Variants in ANKRD30B observed in about 807,000 individuals in gnomAD.
The protein encoded by ANKRD30B is ankyrin repeat domain 30B, also known as ankyrin repeat domain-containing protein 30B.
Under a neutral mutation model 202.2 loss-of-function variants are expected in ANKRD30B, and 144 were observed. The observed-to-expected ratio is 0.71, with a 90% CI of 0.62 to 0.82. The LOEUF (loss-of-function observed/expected upper bound fraction) is 0.82. Ranked by LOEUF, ANKRD30B falls within the 40% of genes least tolerant of loss-of-function variation. The pLI is 0.00. For synonymous variants in ANKRD30B, 508 were observed against 561.3 expected, an observed-to-expected ratio of 0.91 and a Z score of 1.34; for missense variants, 1,487 against 1,669.1, an observed-to-expected ratio of 0.89 and a Z score of 1.90.
chr18:14,865,243 TG>T, the ANKRD30B span, among the ~76,000 whole-genome samples: 2 of 151,834 alleles, frequency 1.3e-5, no homozygotes, highest in African/African-American at 2.4e-5. Flanking sequence ...CTTCTCCCAC[TG>T]GCCACCCTCT....
intron 36 of ANKRD30B, among the ~76,000 whole-genome samples, chr18:14,839,195 A>C (rs998480505): frequency 3.9e-5 from 6 of 152,244 alleles, no homozygotes; most frequent in Non-Finnish European, 7.3e-5. Flanking sequence ...CAAATGAAAA[A>C]CACTTATAAA....
intron 1 of ANKRD30B, among the ~76,000 whole-genome samples, chr18:14,751,623 C>A (rs9956874): frequency 1.3e-5 from 2 of 152,072 alleles, no homozygotes; most frequent in Admixed American, 1.3e-4. Flanking sequence ...TTCTATAAAT[C>A]TAAATATGAA....
chr18:14,759,986 CCT>C (rs1651782683), intron 5 of ANKRD30B, among the ~76,000 whole-genome samples: 1 of 152,170 alleles, frequency 6.6e-6, no homozygotes, highest in Non-Finnish European at 1.5e-5. Context: ...AAGCAATCCC[CCT>C]GTCTCAGCAT....
chr18:14,786,071 A>C (rs1011236685), intron 14 of ANKRD30B, among the ~76,000 whole-genome samples: 1 of 135,170 alleles, frequency 7.4e-6, no homozygotes, highest in South Asian at 2.4e-4. Flanking sequence ...AAAAAAAAAA[A>C]CAGGTAGAGA....
chr18:14,797,189 C>T (rs945493988), intron 18 of ANKRD30B, among the ~76,000 whole-genome samples: 10 of 152,114 alleles, frequency 6.6e-5, no homozygotes, highest in Non-Finnish European at 1.0e-4. Flanking sequence ...ATAGCACTAT[C>T]TTATCCATAT....
At chr18:14,892,186 A>G in the ANKRD30B span, among the ~76,000 whole-genome samples, 2 of 152,254 alleles carry the variant, frequency 1.3e-5, no homozygotes, top group African/African-American at 2.4e-5. Flanking sequence ...TTAGATAAAA[A>G]GAGAATGCTG....
chr18:14,875,539 G>A, the ANKRD30B span, among the ~76,000 whole-genome samples: 6 of 152,288 alleles, frequency 3.9e-5, no homozygotes, highest in South Asian at 8.3e-4. Flanking sequence ...GAGAAACTGC[G>A]AGGGAAGAGA....
In ANKRD30B at chr18:14,851,630, A is replaced by G; in HGVS notation, c.3686A>G (p.Asn1229Ser). ...AAACATCAACACCAGGTGAAGGAAA[A>G]TAAATACTTTGAGGACATTAAGATT... ...TLKHQHQVKE[N>S]KYFEDIKILQ... is the part of the protein sequence containing the mutation. Residue 1229 changes from asparagine to serine, a missense_variant, in exon 42 of 44, where the codon AAT (asparagine) becomes AGT (serine). By Grantham distance (46) the Asn-to-Ser change is conservative (BLOSUM62 1). This residue lies in a region of ANKRD30B where 177 missense variants were observed against 216.4 expected (regional missense o/e 0.82). Transcript: ENST00000690538. The G allele has an allele frequency of 2.5e-6, 4 of 1,611,994 alleles. No individual in the cohort carries two copies. The highest frequency in any genetic ancestry group is 3.4e-6 in the Non-Finnish European group (4 of 1,179,024).
chr18:14,830,576 C>T (rs1970870748), intron 33 of ANKRD30B, among the ~76,000 whole-genome samples: 1 of 152,124 alleles, frequency 6.6e-6, no homozygotes, highest in African/African-American at 2.4e-5. Flanking sequence ...TGCTGAAAAA[C>T]AAAGAATGTC....
At chr18:14,791,201 G>A (rs1968479936) in intron 15 of ANKRD30B, among the ~76,000 whole-genome samples, 200 bp from the exon 16 acceptor site, 1 of 152,100 alleles carries the variant, frequency 6.6e-6, no homozygotes, top group Non-Finnish European at 1.5e-5. Context: ...AGTATTCTCT[G>A]ATGGCAGTTT....
At chr18:14,784,016 T>C (rs1967920284) in intron 12 of ANKRD30B, among the ~76,000 whole-genome samples, 2 of 152,190 alleles carry the variant, frequency 1.3e-5, no homozygotes, top group Non-Finnish European at 2.9e-5. Flanking sequence ...ATGATTTTAA[T>C]GTGTTTCATT....
chr18:14,811,048 G>A (rs1969887635), intron 28 of ANKRD30B, among the ~76,000 whole-genome samples: 1 of 151,228 alleles, frequency 6.6e-6, no homozygotes, highest in Non-Finnish European at 1.5e-5. Flanking sequence ...CCATGAGGCA[G>A]AAGTTGCAGT....
the ANKRD30B span, among the ~76,000 whole-genome samples, chr18:14,923,119 T>C: frequency 6.6e-6 from 1 of 152,168 alleles, no homozygotes; most frequent in Admixed American, 6.5e-5. Flanking sequence ...ACCCAGGTAG[T>C]AGACTGTGGG....
intron 15 of ANKRD30B, among the ~76,000 whole-genome samples, chr18:14,787,806 C>G (rs1285337179): frequency 6.6e-6 from 1 of 152,128 alleles, no homozygotes; most frequent in African/African-American, 2.4e-5. Context: ...AGTATCTGAC[C>G]TCTTAGAAAC....
chr18:14,918,917 A>C, the ANKRD30B span, among the ~76,000 whole-genome samples: 1 of 152,190 alleles, frequency 6.6e-6, no homozygotes, highest in African/African-American at 2.4e-5. Flanking sequence ...GAGCTCACAG[A>C]AGTAAGTGCT....
At chr18:14,788,094 C>A (rs1390079674) in intron 15 of ANKRD30B, among the ~76,000 whole-genome samples, 1 of 152,106 alleles carries the variant, frequency 6.6e-6, no homozygotes, top group Non-Finnish European at 1.5e-5. Flanking sequence ...TCTAAAAGTT[C>A]AAGACAGACA....
At chr18:14,873,035 G>A in the ANKRD30B span, among the ~76,000 whole-genome samples, 1 of 152,100 alleles carries the variant, frequency 6.6e-6, no homozygotes, top group Non-Finnish European at 1.5e-5. Flanking sequence ...ATAATTGAAA[G>A]AGGAATGGAA....
chr18:14,860,389 G>C, the ANKRD30B span, among the ~76,000 whole-genome samples: 1 of 116,700 alleles, frequency 8.6e-6, no homozygotes, highest in African/African-American at 3.3e-5. Context: ...CAGAGGGGGT[G>C]GCCGGGCAGA....
At chr18:14,921,289 C>A in the ANKRD30B span, among the ~76,000 whole-genome samples, 6 of 147,584 alleles carry the variant, frequency 4.1e-5, no homozygotes, top group Non-Finnish European at 7.4e-5. Context: ...TGTTTAGATA[C>A]AACTGCCTGT....
Sources: gnomAD v4.1 joint callset for allele counts (sites outside exome capture counted in the v4.1 genomes callset) on GRCh38, gnomAD v4.1.1 for gene constraint, gnomAD v4.1.1 regional missense constraint, MANE v1.5 for transcripts, NCBI Gene and HGNC (gene_info 2026-07-23, HGNC 2026-07-21) for gene names.